Variants in EBF1 observed in about 807,000 individuals in gnomAD.
EBF1 encodes EBF transcription factor 1.
In EBF1, 10 loss-of-function variants were observed where a neutral mutation model predicts 68.4. The ratio of observed to expected loss-of-function variants is 0.15; its 90% CI spans 0.09 to 0.25. The LOEUF (loss-of-function observed/expected upper bound fraction) is 0.25, where lower values mean the gene tolerates loss of function less well. Ranked by LOEUF, EBF1 falls within the 10% of genes least tolerant of loss-of-function variation. The pLI is 1.00. For synonymous variants in EBF1, 298 were observed against 299.8 expected, an observed-to-expected ratio of 0.99 and a Z score of 0.06; for missense variants, 509 against 794.4, an observed-to-expected ratio of 0.64 and a Z score of 4.32.
chr5:158,711,503 T>C (rs1034993704), intron 14 of EBF1, among the ~76,000 whole-genome samples: 2 of 152,188 alleles, frequency 1.3e-5, no homozygotes, highest in Non-Finnish European at 2.9e-5. Context: ...TGGGTGCTAG[T>C]TCCTTCCCAA....
chr5:158,801,468 C>A (rs147351087), intron 8 of EBF1, among the ~76,000 whole-genome samples: 1 of 152,096 alleles, frequency 6.6e-6, no homozygotes, highest in East Asian at 1.9e-4. Flanking sequence ...TGATCAAAGG[C>A]CACGTGCTGG....
intron 14 of EBF1, 83 bp downstream of exon 14, chr5:158,712,071 G>T: frequency 1.3e-6 from 2 of 1,525,840 alleles, no homozygotes; most frequent in Non-Finnish European, 1.8e-6. Context: ...AGACCGAGAA[G>T]CCCTGCCCAC....
At chr5:158,845,717 A>AAG (rs1554159988) in intron 6 of EBF1, among the ~76,000 whole-genome samples, 9 of 151,462 alleles carry the variant, frequency 5.9e-5, no homozygotes, top group African/African-American at 1.9e-4. Flanking sequence ...AAAAAAAAAA[A>AAG]AAGAAGAAGA....
chr5:158,793,872 C>T (rs1478054735), intron 9 of EBF1, among the ~76,000 whole-genome samples: 1 of 152,038 alleles, frequency 6.6e-6, no homozygotes, highest in African/African-American at 2.4e-5. Context: ...ATTGTGTGTG[C>T]CAAGTAGCCT....
intron 6 of EBF1, among the ~76,000 whole-genome samples, chr5:158,874,333 A>T (rs920268483): frequency 6.6e-6 from 1 of 152,244 alleles, no homozygotes; most frequent in South Asian, 2.1e-4. Context: ...TCCTACCCTC[A>T]AATAAATATC....
chr5:158,755,951 G>A (rs1298949395), intron 10 of EBF1, among the ~76,000 whole-genome samples: 3 of 152,158 alleles, frequency 2.0e-5, no homozygotes, highest in Non-Finnish European at 4.4e-5. Context: ...AAAAGAAAGT[G>A]TGAAATCAGA....
chr5:158,883,350 A>ATATATATATACACATACATGCATG (rs1436028519), intron 6 of EBF1, among the ~76,000 whole-genome samples: 1 of 25,860 alleles, frequency 3.9e-5, no homozygotes, highest in South Asian at 2.5e-3. Flanking sequence ...ACATGCATGT[A>ATATATATATACACATACATGCATG]TATATATATA....
intron 9 of EBF1, among the ~76,000 whole-genome samples, chr5:158,779,308 A>T (rs1396049756): frequency 6.6e-6 from 1 of 152,166 alleles, no homozygotes; most frequent in Non-Finnish European, 1.5e-5. Context: ...TGTCATAGCA[A>T]GTCAGAGCAA....
chr5:159,020,687 A>G (rs1184714336), intron 6 of EBF1, among the ~76,000 whole-genome samples: 2 of 152,180 alleles, frequency 1.3e-5, no homozygotes, highest in Non-Finnish European at 2.9e-5. Context: ...TTTTCTGTTA[A>G]AATTGCCTAT....
chr5:158,791,682 A>G (rs966951499), intron 9 of EBF1, among the ~76,000 whole-genome samples: 4 of 152,080 alleles, frequency 2.6e-5, no homozygotes, highest in Non-Finnish European at 5.9e-5. Flanking sequence ...AGCTACATCC[A>G]TATGTAAGAG....
chr5:158,824,556 T>C (rs928149862), intron 7 of EBF1, among the ~76,000 whole-genome samples: 3 of 152,242 alleles, frequency 2.0e-5, no homozygotes, highest in African/African-American at 7.2e-5. Flanking sequence ...CTCGCTTTAA[T>C]TGTTCTTGGT....
Position 158,865,847 on chromosome 5 carries a change from C to A in EBF1, c.555-25737G>T, listed in dbSNP as rs373053600. ...CCATGTCCGTATCACAGAGATAATG[C>A]TGCAAATACTTAAAGAATGTCTGCA... On this transcript the variant is annotated intron_variant, in intron 6 of 15. Transcript: ENST00000313708. Among the ~76,000 whole-genome samples, 8 of 152,316 alleles carry A rather than the reference C, an allele frequency of 5.3e-5. No individual in the cohort carries two copies. The East Asian group carries it at 1.3e-3, about 26-fold the overall frequency.
intron 6 of EBF1, among the ~76,000 whole-genome samples, chr5:158,917,289 C>A (rs991695014): frequency 6.6e-6 from 1 of 152,238 alleles, no homozygotes; most frequent in Non-Finnish European, 1.5e-5. Context: ...ACTCTCCAAG[C>A]CTCCAGTTCC....
intron 6 of EBF1, among the ~76,000 whole-genome samples, chr5:158,931,975 A>G (rs998979293): frequency 2.6e-5 from 4 of 152,174 alleles, no homozygotes; most frequent in Non-Finnish European, 5.9e-5. Flanking sequence ...GCAACCAGCC[A>G]TATGCTCTTT....
chr5:158,883,340 A>G (rs917325500), intron 6 of EBF1, among the ~76,000 whole-genome samples: 4 of 112,334 alleles, frequency 3.6e-5, no homozygotes, highest in South Asian at 7.2e-4. Context: ...ACACACACAT[A>G]CATGCATGTA....
intron 6 of EBF1, among the ~76,000 whole-genome samples, chr5:158,944,205 C>G (rs1814142329): frequency 6.6e-6 from 1 of 152,138 alleles, no homozygotes; most frequent in South Asian, 2.1e-4. Context: ...TCTCCTAATG[C>G]CATCCCTCCC....
intron 12 of EBF1, among the ~76,000 whole-genome samples, 156 bp downstream of exon 12, chr5:158,713,961 T>C (rs73816044): frequency 0.051 from 7,820 of 152,292 alleles, 623 homozygotes; most frequent in African/African-American, 0.17. Flanking sequence ...CAAAAGAGGA[T>C]TGAATCATCT....
At chr5:159,075,331 G>A (rs1047112865) in intron 5 of EBF1, among the ~76,000 whole-genome samples, 11 of 152,240 alleles carry the variant, frequency 7.2e-5, no homozygotes, top group Admixed American at 6.5e-4. Flanking sequence ...AATCTGCCCT[G>A]TGCTCTGCAG....
chr5:158,956,005 C>T (rs1031236704), intron 6 of EBF1, among the ~76,000 whole-genome samples: 1 of 150,548 alleles, frequency 6.6e-6, no homozygotes, highest in African/African-American at 2.5e-5. Context: ...ATGCCAGATA[C>T]TGCATTAATT....
Sources: allele counts gnomAD v4.1 joint callset (sites outside exome capture counted in the v4.1 genomes callset), GRCh38; gene constraint gnomAD v4.1.1; transcripts MANE v1.5; gene names NCBI Gene and HGNC (gene_info 2026-07-23, HGNC 2026-07-21).